The following MCU variants were observed in gnomAD, a reference collection of about 807,000 sequenced individuals.
The protein encoded by MCU is calcium uniporter protein, mitochondrial.
MCU carries 12 observed loss-of-function variants against 45.2 expected under a neutral mutation model. That is an observed-to-expected ratio of 0.27 (90% CI 0.17 to 0.43). MCU has a LOEUF of 0.43. Among genes scored for constraint, MCU ranks in the 20% least tolerant of loss-of-function variants. The probability of loss-of-function intolerance (pLI) is 1.00; values close to 1 mark genes in which losing one functional copy is unlikely to be tolerated. For missense variants in MCU, 324 were observed against 436.7 expected (o/e 0.74, Z 2.30); for synonymous variants, 160 against 165.1 (o/e 0.97, Z 0.24).
chr10:72,750,109 C>G (rs984495658), intron 1 of MCU, among the ~76,000 whole-genome samples: 2 of 151,956 alleles, frequency 1.3e-5, no homozygotes, highest in Non-Finnish European at 2.9e-5. Context: ...TTTGGAGAAT[C>G]CTGGTAGGCT....
chr10:72,767,046 T>C (rs868478887), intron 1 of MCU: 3 of 152,212 alleles, frequency 2.0e-5, no homozygotes, highest in Non-Finnish European at 4.4e-5. Flanking sequence ...TTTTTATCAT[T>C]CTATAAGTTC....
At chr10:72,706,446 C>A (rs141793871) in intron 1 of MCU, among the ~76,000 whole-genome samples, 2 of 152,154 alleles carry the variant, frequency 1.3e-5, no homozygotes, top group African/African-American at 2.4e-5. Context: ...TTAGACAACA[C>A]ACATTCTTTG....
intron 1 of MCU, among the ~76,000 whole-genome samples, chr10:72,785,616 C>T (rs1050782160): frequency 2.0e-5 from 3 of 152,136 alleles, no homozygotes; most frequent in Admixed American, 6.5e-5. Context: ...GCAAGTTTTT[C>T]ACTTTTAGTG....
intron 1 of MCU, among the ~76,000 whole-genome samples, chr10:72,767,296 C>G (rs1843741835): frequency 6.6e-6 from 1 of 151,966 alleles, no homozygotes; most frequent in African/African-American, 2.4e-5. Context: ...TAGGAAAGGT[C>G]TTAGCTGCAA....
chr10:72,759,277 CAG>C (rs1564548771), intron 1 of MCU, among the ~76,000 whole-genome samples: 1 of 152,056 alleles, frequency 6.6e-6, no homozygotes, highest in African/African-American at 2.4e-5. Context: ...ATTGAGCAAG[CAG>C]GGGGTACATG....
chr10:72,719,719 C>T (rs1842996680), intron 1 of MCU, among the ~76,000 whole-genome samples: 2 of 152,156 alleles, frequency 1.3e-5, no homozygotes, highest in South Asian at 4.1e-4. Context: ...GGATAAATCA[C>T]CTCAGGCATT....
In MCU at chr10:72,707,819, C is replaced by A. The variant is rs565947860; in HGVS notation, c.150+15518C>A. Among the ~76,000 whole-genome samples, 11 of 151,938 alleles carry A rather than the reference C, an allele frequency of 7.2e-5. 1 individual carries two copies. In the South Asian group the frequency reaches 2.3e-3, roughly 32 times the overall value. ...AAATAAGGATGCTTGATTAGGTGAA[C>A]CTAAAGGGCTTTTAATTTTTATTTT... On this transcript the variant is annotated intron_variant, in intron 1 of 7. Transcript: ENST00000373053.
At chr10:72,839,989 C>T (rs952375126) in intron 2 of MCU, among the ~76,000 whole-genome samples, 3 of 142,702 alleles carry the variant, frequency 2.1e-5, no homozygotes, top group African/African-American at 7.8e-5. Flanking sequence ...AAAAAAAAAG[C>T]TGCTGCTGGC....
intron 1 of MCU, among the ~76,000 whole-genome samples, chr10:72,790,203 G>T (rs1220715142): frequency 6.6e-6 from 1 of 152,152 alleles, no homozygotes; most frequent in Non-Finnish European, 1.5e-5. Context: ...CAGCATTTTG[G>T]TCTAGGTCTA....
At chr10:72,805,109 TTCTTTC>T (rs1564562260) in intron 1 of MCU, among the ~76,000 whole-genome samples, 1 of 112,292 alleles carries the variant, frequency 8.9e-6, no homozygotes, top group Admixed American at 9.2e-5. Flanking sequence ...TTCTCTTTCT[TTCTTTC>T]TTTCTTTCTT....
At chr10:72,880,232 C>T (rs997666375) in intron 6 of MCU, among the ~76,000 whole-genome samples, 3 of 151,852 alleles carry the variant, frequency 2.0e-5, no homozygotes, top group African/African-American at 7.3e-5. Context: ...ATGAAAGATA[C>T]AAAGATTGGA....
intron 1 of MCU, among the ~76,000 whole-genome samples, chr10:72,776,966 A>G (rs1237176092): frequency 6.6e-6 from 1 of 152,230 alleles, no homozygotes; most frequent in East Asian, 1.9e-4. Context: ...CCCACTTATA[A>G]TAGCTATGAA....
chr10:72,797,534 C>CTTTTTTTTT (rs11411848), intron 1 of MCU, among the ~76,000 whole-genome samples: 1 of 115,704 alleles, frequency 8.6e-6, no homozygotes. Context: ...CCATAATATA[C>CTTTTTTTTT]TTTTTTTTTT....
intron 1 of MCU, among the ~76,000 whole-genome samples, chr10:72,826,226 G>A (rs1844796866): frequency 6.6e-6 from 1 of 152,042 alleles, no homozygotes; most frequent in South Asian, 2.1e-4. Context: ...TGATGCCCCA[G>A]GTCCATGGAC....
At chr10:72,761,500 G>A (rs1206931060) in intron 1 of MCU, among the ~76,000 whole-genome samples, 1 of 152,038 alleles carries the variant, frequency 6.6e-6, no homozygotes, top group African/African-American at 2.4e-5. Context: ...GGTACTTTTT[G>A]GTATTTTATG....
intron 1 of MCU, among the ~76,000 whole-genome samples, chr10:72,708,101 C>T (rs1313678599): frequency 6.6e-6 from 1 of 152,208 alleles, no homozygotes; most frequent in Non-Finnish European, 1.5e-5. Flanking sequence ...TGCTTATTCT[C>T]ACAAGGGCCA....
At chr10:72,707,705 A>G (rs1842841819) in intron 1 of MCU, among the ~76,000 whole-genome samples, 1 of 151,410 alleles carries the variant, frequency 6.6e-6, no homozygotes, top group African/African-American at 2.4e-5. Flanking sequence ...TATAATAGGA[A>G]CTGGATCTGT....
At chr10:72,869,342 T>C (rs554698348) in intron 5 of MCU, among the ~76,000 whole-genome samples, 2 of 152,366 alleles carry the variant, frequency 1.3e-5, no homozygotes, top group South Asian at 2.1e-4. Flanking sequence ...CCCAACACTT[T>C]GGGAGGCCAA....
chr10:72,727,857 T>C (rs999768222), intron 1 of MCU, among the ~76,000 whole-genome samples: 1 of 151,780 alleles, frequency 6.6e-6, no homozygotes, highest in Non-Finnish European at 1.5e-5. Context: ...ATGAATCAGA[T>C]CTCTTAGTTG....
Sources: gnomAD v4.1 joint callset for allele counts (sites outside exome capture counted in the v4.1 genomes callset) on GRCh38, gnomAD v4.1.1 for gene constraint, MANE v1.5 for transcripts, NCBI Gene and HGNC (gene_info 2026-07-23, HGNC 2026-07-21) for gene names.